ALLC: variants seen among roughly 807,000 people sequenced by gnomAD.
ALLC encodes the protein probable inactive allantoicase.
Under a neutral mutation model 45.0 loss-of-function variants are expected in ALLC, and 40 were observed. The ratio of observed to expected loss-of-function variants is 0.89; its 90% CI spans 0.69 to 1.16. The LOEUF (loss-of-function observed/expected upper bound fraction) is 1.16. Ranked by LOEUF, ALLC falls within the 50% of genes most tolerant of loss-of-function variation. The probability of loss-of-function intolerance (pLI) is 0.00; values close to 1 mark genes in which losing one functional copy is unlikely to be tolerated. For missense variants in ALLC, 488 were observed against 493.1 expected, an observed-to-expected ratio of 0.99 and a Z score of 0.10; for synonymous variants, 176 against 178.1, an observed-to-expected ratio of 0.99 and a Z score of 0.09.
chr2:3,664,217 T>A (rs1472945297), intron 1 of ALLC, among the ~76,000 whole-genome samples: 1 of 152,220 alleles, frequency 6.6e-6, no homozygotes, highest in African/African-American at 2.4e-5. Context: ...TTGCCACCCC[T>A]GCTGCTTCTA....
chr2:3,669,677 C>T (rs1666814565), intron 1 of ALLC, among the ~76,000 whole-genome samples: 1 of 152,058 alleles, frequency 6.6e-6, no homozygotes, highest in Non-Finnish European at 1.5e-5. Flanking sequence ...AAGATAATTC[C>T]ATGTTCTGGG....
At chr2:3,679,773 T>C (rs1667124245) in intron 4 of ALLC, 96 bp from the exon 5 acceptor site, 2 of 1,546,306 alleles carry the variant, frequency 1.3e-6, no homozygotes, top group Non-Finnish European at 1.8e-6. Flanking sequence ...GAATGGCCCC[T>C]GCTGTGGGTC....
intron 10 of ALLC, among the ~76,000 whole-genome samples, chr2:3,698,979 T>C (rs1263427474): frequency 6.6e-6 from 1 of 152,166 alleles, no homozygotes; most frequent in Non-Finnish European, 1.5e-5. Flanking sequence ...TTTCAAGAAG[T>C]CTTGGTAATT....
chr2:3,646,792 A>T, the ALLC span, among the ~76,000 whole-genome samples: 1 of 152,200 alleles, frequency 6.6e-6, no homozygotes, highest in African/African-American at 2.4e-5. Context: ...TTTACTAAGC[A>T]GTCAGTTTGA....
chr2:3,652,511 A>T, the ALLC span, among the ~76,000 whole-genome samples: 1 of 150,598 alleles, frequency 6.6e-6, no homozygotes, highest in Non-Finnish European at 1.5e-5. Context: ...TTTCCTAAGG[A>T]TGGAGATATC....
chr2:3,654,674 C>T (rs1432014716), upstream of ALLC, among the ~76,000 whole-genome samples: 3 of 152,230 alleles, frequency 2.0e-5, no homozygotes, highest in Non-Finnish European at 2.9e-5. Context: ...GTGCGTGTGA[C>T]TCTCAGTGAA....
chr2:3,664,209 G>A (rs1257124781), intron 1 of ALLC, among the ~76,000 whole-genome samples: 1 of 152,178 alleles, frequency 6.6e-6, no homozygotes, highest in African/African-American at 2.4e-5. Context: ...CCACCACTTT[G>A]CCACCCCTGC....
the ALLC span, among the ~76,000 whole-genome samples, chr2:3,647,341 C>T: frequency 6.6e-6 from 1 of 151,862 alleles, no homozygotes; most frequent in African/African-American, 2.4e-5. Flanking sequence ...ACGATTAAAA[C>T]GTATCTGGAG....
intron 9 of ALLC, among the ~76,000 whole-genome samples, chr2:3,696,725 T>C (rs897763164): frequency 3.9e-5 from 6 of 152,230 alleles, no homozygotes; most frequent in Non-Finnish European, 8.8e-5. Flanking sequence ...ACACCACTTA[T>C]GTGAACTTGT....
chr2:3,664,450 A>C (rs1666644990), intron 1 of ALLC, among the ~76,000 whole-genome samples: 1 of 152,246 alleles, frequency 6.6e-6, no homozygotes. Flanking sequence ...GCTGCTGAAA[A>C]GGTATCTTTA....
chr2:3,651,034 A>G, the ALLC span, among the ~76,000 whole-genome samples: 1 of 152,106 alleles, frequency 6.6e-6, no homozygotes, highest in Admixed American at 6.5e-5. Flanking sequence ...TTAAGGAGAG[A>G]GCCGGGATTT....
At chr2:3,701,421 G>A in intron 10 of ALLC, 91 bp from the exon 11 acceptor site, 1 of 1,412,766 alleles carries the variant, frequency 7.1e-7, no homozygotes, top group Admixed American at 2.5e-5. Flanking sequence ...TTTTTGCTGG[G>A]TTTTTGATCT....
upstream of ALLC, among the ~76,000 whole-genome samples, chr2:3,657,183 C>A (rs1279523205): frequency 1.3e-5 from 2 of 151,990 alleles, no homozygotes; most frequent in Non-Finnish European, 2.9e-5. Context: ...AGACAACAGG[C>A]GCTGGACGCA....
At chr2:3,675,387 C>CAAAA (rs11379495) in intron 3 of ALLC, among the ~76,000 whole-genome samples, 1 of 109,682 alleles carries the variant, frequency 9.1e-6, no homozygotes, top group African/African-American at 3.5e-5. Flanking sequence ...AAGACCCTGT[C>CAAAA]AAAAAAAAAA....
intron 11 of ALLC, 61 bp downstream of exon 11, chr2:3,701,697 T>C: frequency 6.6e-7 from 1 of 1,525,548 alleles, no homozygotes; most frequent in Admixed American, 1.8e-5. Context: ...TAAGATTCTC[T>C]TTTGAAGGAT....
chr2:3,690,260 TTCCCTCC>T (rs1667445686), intron 7 of ALLC, among the ~76,000 whole-genome samples: 5 of 7,890 alleles, frequency 6.3e-4, no homozygotes, highest in Admixed American at 1.9e-3. Flanking sequence ...TTCCCTTCCC[TTCCCTCC>T]CCCCTCCCCT....
chr2:3,669,948 AT>A (rs1666822461), intron 1 of ALLC, among the ~76,000 whole-genome samples: 1 of 152,110 alleles, frequency 6.6e-6, no homozygotes, highest in Admixed American at 6.6e-5. Context: ...GCATTTGGGG[AT>A]AATTGGAGTG....
At chr2:3,659,975 G>A (rs1666530560) in intron 1 of ALLC, among the ~76,000 whole-genome samples, 1 of 152,204 alleles carries the variant, frequency 6.6e-6, no homozygotes, top group Non-Finnish European at 1.5e-5. Flanking sequence ...TATCTTAGGG[G>A]TGGGGAGACT....
chr2:3,655,547 C>T (rs981168702), upstream of ALLC, among the ~76,000 whole-genome samples: 7 of 152,208 alleles, frequency 4.6e-5, no homozygotes, highest in Admixed American at 2.0e-4. Flanking sequence ...CCTTGAACTG[C>T]TGGGCTCAAG....
Sources: gnomAD v4.1 joint callset for allele counts (sites outside exome capture counted in the v4.1 genomes callset) on GRCh38, gnomAD v4.1.1 for gene constraint, MANE v1.5 for transcripts, NCBI Gene and HGNC (gene_info 2026-07-23, HGNC 2026-07-21) for gene names.